PCDHA8: variants seen among roughly 807,000 people sequenced by gnomAD.
PCDHA8 encodes the protein protocadherin alpha 8, also known as protocadherin alpha-8.
PCDHA8 carries 53 observed loss-of-function variants against 61.8 expected under a neutral mutation model. That is an observed-to-expected ratio of 0.86 (90% CI 0.69 to 1.08). The LOEUF (loss-of-function observed/expected upper bound fraction) is 1.08, where lower values mean the gene tolerates loss of function less well. Ranked by LOEUF, PCDHA8 falls within the 50% of genes least tolerant of loss-of-function variation. The probability of loss-of-function intolerance (pLI) is 0.00; values close to 1 mark genes in which losing one functional copy is unlikely to be tolerated. For missense variants in PCDHA8, 1,293 were observed against 1,245.0 expected (o/e 1.04, Z -0.58); for synonymous variants, 618 against 556.6 (o/e 1.11, Z -1.55).
At chr5:140,966,248 G>C (rs2095985597) in intron 1 of PCDHA8, 2 of 322,664 alleles carry the variant, frequency 6.2e-6, no homozygotes, top group Non-Finnish European at 5.6e-6. Context: ...AAGCAGGGGA[G>C]AGACGGTGGA....
chr5:140,983,518 C>T (rs1417635641), intron 3 of PCDHA8, among the ~76,000 whole-genome samples: 1 of 152,130 alleles, frequency 6.6e-6, no homozygotes, highest in African/African-American at 2.4e-5. Context: ...AGACACTGTG[C>T]CAAGTACATT....
intron 1 of PCDHA8, among the ~76,000 whole-genome samples, chr5:140,888,287 C>A (rs1371852276): frequency 6.6e-6 from 1 of 152,072 alleles, no homozygotes; most frequent in Non-Finnish European, 1.5e-5. Context: ...CCCCTCTACC[C>A]CCTACCCAGG....
intron 1 of PCDHA8, among the ~76,000 whole-genome samples, chr5:140,915,369 G>GTC (rs2077091836): frequency 6.6e-6 from 1 of 152,160 alleles, no homozygotes; most frequent in Admixed American, 6.5e-5. Context: ...ACCAGTAAGT[G>GTC]TCTCGGCATT....
In PCDHA8 at chr5:140,858,199, T is replaced by C. The variant is rs142593526; in HGVS notation, c.2394+14484T>C. The C allele has an allele frequency of 1.4e-4, 227 of 1,596,922 alleles. 11 individuals carry two copies. The African/African-American group carries it at 2.3e-3, about 16-fold the overall frequency. On this transcript the variant is annotated intron_variant, in intron 1 of 3. Coordinates refer to ENST00000531613, the MANE Select transcript of PCDHA8 (RefSeq NM_018911.3). ...TGGTGCTCACGCTGCTGCTGTACAC[T>C]GCACTGAGGTGCTCGGCGGCGCCCA...
intron 1 of PCDHA8, among the ~76,000 whole-genome samples, chr5:140,878,613 C>T (rs1413546987): frequency 1.3e-5 from 2 of 152,184 alleles, no homozygotes; most frequent in Admixed American, 6.5e-5. Context: ...TTCTAATGTG[C>T]ATTTTACATA....
chr5:141,008,530 A>G (rs1176119695), intron 3 of PCDHA8, among the ~76,000 whole-genome samples: 2 of 152,128 alleles, frequency 1.3e-5, no homozygotes, highest in African/African-American at 4.8e-5. Context: ...ACTCTTGGGA[A>G]TGTCTTTTAT....
intron 1 of PCDHA8, chr5:140,878,053 C>T (rs2057454277): frequency 2.2e-6 from 1 of 456,148 alleles, no homozygotes; most frequent in Non-Finnish European, 3.5e-6. Flanking sequence ...TGGAGCACCA[C>T]ACTTAATATT....
At chr5:140,993,958 G>A (rs782075870) in intron 3 of PCDHA8, among the ~76,000 whole-genome samples, 1 of 152,162 alleles carries the variant, frequency 6.6e-6, no homozygotes, top group Non-Finnish European at 1.5e-5. Context: ...ATACATGACT[G>A]TAGTCATCAT....
Position 140,851,830 on chromosome 5 carries a change from T to A in PCDHA8, c.2394+8115T>A, listed in dbSNP as rs565233003. The A allele has an allele frequency of 1.6e-4, 153 of 967,896 alleles. 10 individuals carry two copies. In the African/African-American group the frequency reaches 2.0e-3, roughly 13 times the overall value. 60.0% of individuals were successfully genotyped at this position (967,896 alleles called of 1,614,324 possible). On this transcript the variant is annotated intron_variant, in intron 1 of 3. Transcript: ENST00000531613. ...TCCATAAGACAGAAATCTGTTTTTT[T>A]AAAAATATCTTTTTCTCCTCTCAGC...
chr5:140,918,895 A>G (rs1319042193), intron 1 of PCDHA8, among the ~76,000 whole-genome samples: 2 of 152,206 alleles, frequency 1.3e-5, no homozygotes, highest in East Asian at 3.9e-4. Flanking sequence ...TGAAAAATAA[A>G]TCTCTCTTGT....
rs147149527 is a variant in PCDHA8 at position 140,842,554 on chromosome 5, C to T, written c.1233C>T (p.Ser411=). The T allele has an allele frequency of 1.0e-3, 1,636 of 1,596,230 alleles. 137 individuals carry two copies. The highest frequency in any genetic ancestry group is 3.5e-3 in the South Asian group (317 of 90,526). The change falls in exon 1 of 4, where the codon AGC becomes AGT. Residue 411 remains serine (S), a synonymous_variant. Transcript: ENST00000531613. ...FKNYYSLVLD[S]ALDRERVSAY... Reference sequence around the variant, plus strand: ...ATTACTACTCGTTGGTGCTGGACAGCGCCCTGGACCGCGAGAGAGTGTCGG... The same window carrying T: ...ATTACTACTCGTTGGTGCTGGACAGTGCCCTGGACCGCGAGAGAGTGTCGG...
chr5:140,891,569 CAT>C (rs59481749), intron 1 of PCDHA8, among the ~76,000 whole-genome samples: 3,590 of 152,218 alleles, frequency 0.024, 138 homozygotes, highest in African/African-American at 0.082. Flanking sequence ...TCTAATTAAA[CAT>C]ATTTTAATCT....
At chr5:140,848,405 C>A in intron 1 of PCDHA8, 12 of 1,329,950 alleles carry the variant, frequency 9.0e-6, no homozygotes, top group Non-Finnish European at 1.3e-5. Flanking sequence ...TGAACGATGG[C>A]GAACACAGCA....
chr5:140,927,748 G>A lies in PCDHA8; in HGVS notation c.2395-51201G>A, dbSNP rs782605586. Reference sequence around the variant, plus strand: ...AGCAGAGCTGCGACACCGCTTTCACGTGCACCCTAAAAGTGGGGAGGTGCA... The same window carrying A: ...AGCAGAGCTGCGACACCGCTTTCACATGCACCCTAAAAGTGGGGAGGTGCA... On this transcript the variant is annotated intron_variant, in intron 1 of 3. Transcript: ENST00000531613. 53 of 1,614,088 alleles carry A rather than the reference G, an allele frequency of 3.3e-5. No homozygotes were observed. The South Asian group carries it at 5.7e-4, about 17-fold the overall frequency.
At chr5:140,857,599 C>T (rs2044712961) in intron 1 of PCDHA8, 1 of 1,596,308 alleles carries the variant, frequency 6.3e-7, no homozygotes, top group Non-Finnish European at 8.6e-7. Flanking sequence ...GCAAGGTGTA[C>T]GCGCTGCAGC....
At chr5:140,916,776 C>A (rs2153540006) in intron 1 of PCDHA8, among the ~76,000 whole-genome samples, 1 of 152,308 alleles carries the variant, frequency 6.6e-6, no homozygotes. Context: ...CACAAGCACT[C>A]CCTTAGCTGC....
intron 1 of PCDHA8, among the ~76,000 whole-genome samples, chr5:140,900,028 T>C (rs1554188848): frequency 1.3e-5 from 2 of 152,132 alleles, no homozygotes; most frequent in Admixed American, 1.3e-4. Flanking sequence ...CAGTTTGGCC[T>C]TGAATTCCTG....
At chr5:140,867,183 G>A (rs1035791499) in intron 1 of PCDHA8, 3 of 151,946 alleles carry the variant, frequency 2.0e-5, no homozygotes, top group Non-Finnish European at 4.4e-5. Flanking sequence ...TCCCTACCTC[G>A]CAAGACTCCA....
chr5:140,947,570 TG>T (rs2094146227), intron 1 of PCDHA8, among the ~76,000 whole-genome samples: 1 of 151,820 alleles, frequency 6.6e-6, no homozygotes, highest in African/African-American at 2.4e-5. Flanking sequence ...ATATTGGGAA[TG>T]TTTTTAACAT....
Sources: allele counts gnomAD v4.1 joint callset (sites outside exome capture counted in the v4.1 genomes callset), GRCh38; gene constraint gnomAD v4.1.1; transcripts MANE v1.5; gene names NCBI Gene and HGNC (gene_info 2026-07-23, HGNC 2026-07-21).